The following ADCY1 variants were observed in gnomAD, a reference collection of about 807,000 sequenced individuals.
ADCY1 encodes adenylate cyclase 1, also known as adenylate cyclase type 1.
In ADCY1, 28 loss-of-function variants were observed where a neutral mutation model predicts 105.4. That is an observed-to-expected ratio of 0.27 (90% CI 0.20 to 0.36). The LOEUF (loss-of-function observed/expected upper bound fraction) is 0.36. Among genes scored for constraint, ADCY1 ranks in the 10% least tolerant of loss-of-function variants. The pLI is 1.00. For missense variants in ADCY1, 977 were observed against 1,434.2 expected, an observed-to-expected ratio of 0.68 and a Z score of 5.15; for synonymous variants, 655 against 623.8, an observed-to-expected ratio of 1.05 and a Z score of -0.75.
intron 1 of ADCY1, among the ~76,000 whole-genome samples, chr7:45,583,702 GCTGTCTCGGCTCACCACAAC>G (rs1792630661): frequency 6.6e-6 from 1 of 151,546 alleles, no homozygotes; most frequent in African/African-American, 2.4e-5. Flanking sequence ...GTGCAGTGGC[GCTGTCTCGGCTCACCACAAC>G]CTCCGAGTCC....
At chr7:45,670,935 A>G (rs186512941) in intron 8 of ADCY1, among the ~76,000 whole-genome samples, 8 of 152,388 alleles carry the variant, frequency 5.2e-5, no homozygotes, top group Admixed American at 4.6e-4. Flanking sequence ...AGCAGTTGGC[A>G]CTGACCACTG....
At chr7:45,693,680 G>A (rs1483736757) in intron 14 of ADCY1, among the ~76,000 whole-genome samples, 1 of 151,338 alleles carries the variant, frequency 6.6e-6, no homozygotes, top group Non-Finnish European at 1.5e-5. Flanking sequence ...GTTTATTGCG[G>A]CACTATTCAC....
At chr7:45,631,182 T>G (rs925659810) in intron 4 of ADCY1, among the ~76,000 whole-genome samples, 2 of 152,178 alleles carry the variant, frequency 1.3e-5, no homozygotes, top group African/African-American at 2.4e-5. Flanking sequence ...AAATCCAACT[T>G]GAAAATCATT....
chr7:45,659,611 T>G (rs1795036834), intron 6 of ADCY1, among the ~76,000 whole-genome samples: 4 of 152,164 alleles, frequency 2.6e-5, no homozygotes, highest in African/African-American at 9.7e-5. Context: ...CCCTGACTTC[T>G]TGCTACCCAG....
intron 4 of ADCY1, 111 bp from the exon 5 acceptor site, chr7:45,648,559 T>C: frequency 6.9e-7 from 1 of 1,453,940 alleles, no homozygotes; most frequent in Non-Finnish European, 9.4e-7. Context: ...AGGTGCAGCA[T>C]GTCTTGCCAG....
chr7:45,713,673 TC>T lies in ADCY1; in HGVS notation c.3058-19del, dbSNP rs755527180. The T allele has an allele frequency of 5.2e-6, 4 of 774,068 alleles. No homozygotes were observed. Among genetic ancestry groups the T allele is most frequent in the Non-Finnish European group, 9.6e-6 (4 of 414,512 alleles). 47.9% of individuals were successfully genotyped at this position (774,068 alleles called of 1,614,324 possible). A position where few individuals can be genotyped will look rare whatever the true frequency, so the allele number is the denominator to read the frequency against. On this transcript the variant is annotated intron_variant, in intron 19 of 19. Transcript: ENST00000297323. ...CCCCCTCATTGCCCTGAAGTAACAC[TC>T]ACTTCTCTCCATCAACAGGTGACTG...
In ADCY1 at chr7:45,710,615, G is replaced by A. The variant is rs1785206288; in HGVS notation, c.3020G>A (p.Ser1007Asn). The part of the protein sequence containing the change: ...DIWGNTVNVA[S>N]RMDSTGVQGR... Reference sequence around the variant, plus strand: ...TGGGGAAACACAGTCAACGTGGCCAGTCGGATGGATAGCACAGGGGTCCAG... The same window carrying A: ...TGGGGAAACACAGTCAACGTGGCCAATCGGATGGATAGCACAGGGGTCCAG... The change falls in exon 19 of 20, where the codon AGT becomes AAT. Residue 1007 changes from serine (S) to asparagine (N), a missense_variant. By Grantham distance (46) the Ser-to-Asn change is conservative (BLOSUM62 1). Coordinates refer to ENST00000297323, the MANE Select transcript of ADCY1 (RefSeq NM_021116.4). The surrounding 1 kb of genome is among the most constrained non-coding windows in gnomAD (Gnocchi z 4.7). The A allele has an allele frequency of 6.2e-7, 1 of 1,614,078 alleles. No homozygotes were observed.
chr7:45,575,226 GCTGGGA>G lies in ADCY1; in HGVS notation c.639+46_639+51del. On this transcript the variant is annotated intron_variant, in intron 1 of 19. Coordinates refer to ENST00000297323, the MANE Select transcript of ADCY1 (RefSeq NM_021116.4). This position sits in a 1 kb window ranked among gnomAD's most constrained non-coding sequence, Gnocchi z 4.7. Reference sequence around the variant, plus strand: ...CCCTCATCTGGTCTCGGACACACTTGCTGGGACGATGCTGGGAATGCCCGGAGTCGG... The same window carrying G: ...CCCTCATCTGGTCTCGGACACACTTGCGATGCTGGGAATGCCCGGAGTCGG... 1 of 1,529,074 alleles carries G rather than the reference GCTGGGA, an allele frequency of 6.5e-7. No homozygotes were observed. The highest frequency in any genetic ancestry group is 8.7e-7 in the Non-Finnish European group (1 of 1,143,812). The allele number at this position is 1,529,074 out of a possible 1,614,324, so 94.7% of individuals were successfully genotyped here. A position where few individuals can be genotyped will look rare whatever the true frequency, so the allele number is the denominator to read the frequency against.
In ADCY1 at chr7:45,715,334, G is replaced by C. The variant is rs1785340879; in HGVS notation, c.*1339G>C. Reference sequence around the variant, plus strand: ...GCACCATAGTAGGGGAATGTCTAAAGACCCACTGCTCTGAGATGTGGTCAG... The same window carrying C: ...GCACCATAGTAGGGGAATGTCTAAACACCCACTGCTCTGAGATGTGGTCAG... On this transcript the variant is annotated 3_prime_UTR_variant, in exon 20 of 20. Transcript: ENST00000297323. 1 of 152,318 alleles carries C rather than the reference G, an allele frequency of 6.6e-6. No individual in the cohort carries two copies. Among genetic ancestry groups the C allele is most frequent in the African/African-American group, 2.4e-5 (1 of 41,452 alleles). The allele number at this position is 152,318 out of a possible 1,614,324, so 9.4% of individuals were successfully genotyped here. A position where few individuals can be genotyped will look rare whatever the true frequency, so the allele number is the denominator to read the frequency against.
chr7:45,712,251 CT>C (rs5883941), intron 19 of ADCY1, among the ~76,000 whole-genome samples: 50 of 135,384 alleles, frequency 3.7e-4, no homozygotes, highest in Admixed American at 3.9e-4. Context: ...ATACTTACAC[CT>C]TTTTTTTTTT....
intron 1 of ADCY1, among the ~76,000 whole-genome samples, chr7:45,587,788 G>A (rs1584250137): frequency 6.6e-6 from 1 of 152,222 alleles, no homozygotes; most frequent in South Asian, 2.1e-4. Context: ...TTCAGCAGGA[G>A]GCCTCAGAGG....
At chr7:45,598,631 A>G (rs1386202056) in intron 2 of ADCY1, among the ~76,000 whole-genome samples, 1 of 152,236 alleles carries the variant, frequency 6.6e-6, no homozygotes, top group Non-Finnish European at 1.5e-5. Context: ...GTGAGTTACC[A>G]AAGATGATCC....
intron 11 of ADCY1, among the ~76,000 whole-genome samples, chr7:45,681,813 G>A (rs1784561301): frequency 6.6e-6 from 1 of 152,230 alleles, no homozygotes; most frequent in African/African-American, 2.4e-5. Flanking sequence ...GAAGGCCATT[G>A]TGGCCTGAGT....
At chr7:45,653,899 G>C (rs966706673) in intron 5 of ADCY1, among the ~76,000 whole-genome samples, 1 of 152,230 alleles carries the variant, frequency 6.6e-6, no homozygotes, top group African/African-American at 2.4e-5. Flanking sequence ...CAGCTGCTGT[G>C]TTTCTTGAGT....
At chr7:45,711,703 A>G (rs1017262735) in intron 19 of ADCY1, among the ~76,000 whole-genome samples, 2 of 143,336 alleles carry the variant, frequency 1.4e-5, no homozygotes, top group Non-Finnish European at 3.0e-5. Context: ...ATATGTATAT[A>G]TACATATATG....
At chr7:45,590,587 G>A (rs1285504404) in intron 1 of ADCY1, among the ~76,000 whole-genome samples, 2 of 152,112 alleles carry the variant, frequency 1.3e-5, no homozygotes, top group Non-Finnish European at 2.9e-5. Context: ...CGTTTTGTTT[G>A]TGGAAAAAGC....
chr7:45,685,111 G>A, intron 12 of ADCY1, 43 bp downstream of exon 12: 1 of 1,559,090 alleles, frequency 6.4e-7, no homozygotes, highest in Non-Finnish European at 8.8e-7. Context: ...GCGGGAGAGG[G>A]CATGGCATGG....
chr7:45,626,214 T>G (rs1794058237), intron 4 of ADCY1, among the ~76,000 whole-genome samples: 1 of 152,368 alleles, frequency 6.6e-6, no homozygotes, highest in Non-Finnish European at 1.5e-5. Flanking sequence ...TGGGTGTGGC[T>G]GTACACCAGT....
At chr7:45,604,820 T>C (rs11770994) in intron 2 of ADCY1, among the ~76,000 whole-genome samples, 61,012 of 151,976 alleles carry the variant, frequency 0.4, 12,854 homozygotes, top group East Asian at 0.64. Flanking sequence ...TTTTCCTTTA[T>C]ATTTAAGTGT....
Sources: allele counts gnomAD v4.1 joint callset (sites outside exome capture counted in the v4.1 genomes callset), GRCh38; gene constraint gnomAD v4.1.1; non-coding constraint Gnocchi (gnomAD v3.1); transcripts MANE v1.5; gene names NCBI Gene and HGNC (gene_info 2026-07-23, HGNC 2026-07-21).